Variants in ANK1 observed in about 807,000 individuals in gnomAD.
The protein encoded by ANK1 is ankyrin-1.
In ANK1, 51 loss-of-function variants were observed where a neutral mutation model predicts 210.4. The ratio of observed to expected loss-of-function variants is 0.24; its 90% CI spans 0.19 to 0.31. The LOEUF is 0.31. Among genes scored for constraint, ANK1 ranks in the 10% least tolerant of loss-of-function variants. ANK1 has a pLI of 1.00. For missense variants in ANK1, 2,051 were observed against 2,504.4 expected, an observed-to-expected ratio of 0.82 and a Z score of 3.86; for synonymous variants, 967 against 1,025.9, an observed-to-expected ratio of 0.94 and a Z score of 1.10.
chr8:41,702,058 A>G lies in ANK1; in HGVS notation c.2382T>C (p.Ser794=), dbSNP rs916745820. 3 of 1,613,926 alleles carry G rather than the reference A, an allele frequency of 1.9e-6. No individual in the cohort carries two copies. The highest frequency in any genetic ancestry group is 2.5e-6 in the Non-Finnish European group (3 of 1,179,830). Residue 794 remains serine, a synonymous_variant, in exon 21 of 43, where the codon AGT becomes AGC. Transcript: ENST00000289734. ...GGGGGAGAGGCAGACATACCACGAA[A>G]CTGGTTTCATCCGTGACGACCTTGA... is the stretch of plus-strand genomic sequence containing the variant. ...DVLKVVTDET[S]FVLVSDKHRM...
chr8:41,668,458 T>C lies in ANK1; in HGVS notation c.5203A>G (p.Thr1735Ala). The C allele has an allele frequency of 6.2e-7, 1 of 1,614,234 alleles. No individual in the cohort carries two copies. The highest frequency in any genetic ancestry group is 8.5e-7 in the Non-Finnish European group (1 of 1,180,026). ...TCTAGCCCTTCAGTCATGGTACTTG[T>C]TCCCTGGAATGAGTGTGGACCTTGC... ...VTQGPHSFQG[T>A]STMTEGLEPG... Residue 1735 changes from threonine (T) to alanine (A), a missense_variant, in exon 39 of 43, where the codon ACA becomes GCA. By Grantham distance (58) the Thr-to-Ala change is moderately conservative (BLOSUM62 0). Transcript: ENST00000289734.
chr8:41,800,757 C>T (rs945258975), upstream of ANK1, among the ~76,000 whole-genome samples: 3 of 152,172 alleles, frequency 2.0e-5, no homozygotes, highest in African/African-American at 7.2e-5. Context: ...GACGGCATCT[C>T]GCTCTGTCAC....
rs1820389079 is a variant in ANK1, at chr8:41,694,896, A to G, written c.3116-93T>C. The G allele has an allele frequency of 7.5e-7, 1 of 1,327,050 alleles. No individual in the cohort carries two copies. Among genetic ancestry groups the G allele is most frequent in the Admixed American group, 1.8e-5 (1 of 54,546 alleles). The allele number at this position is 1,327,050 out of a possible 1,614,324, so 82.2% of individuals were successfully genotyped here. A position where few individuals can be genotyped will look rare whatever the true frequency, so the allele number is the denominator to read the frequency against. ...CAGAGTCTCCTTGTCCCCAAGACCC[A>G]GTGCACACACCCTCCCCAGGTGCCG... On this transcript the variant is annotated intron_variant, in intron 27 of 42. Coordinates refer to ENST00000289734, the MANE Select transcript of ANK1 (RefSeq NM_000037.4). This position sits in a 1 kb window ranked among gnomAD's most constrained non-coding sequence, Gnocchi z 5.7.
chr8:41,658,607 T>C (rs1157633954), intron 42 of ANK1, among the ~76,000 whole-genome samples: 1 of 152,138 alleles, frequency 6.6e-6, no homozygotes, highest in African/African-American at 2.4e-5. Context: ...TAGTCGCTGT[T>C]TGAGGCTGTG....
chr8:41,879,683 G>T (rs1288753088), intron 1 of ANK1, among the ~76,000 whole-genome samples: 1 of 152,138 alleles, frequency 6.6e-6, no homozygotes, highest in Non-Finnish European at 1.5e-5. Flanking sequence ...GTTCATTGGA[G>T]CTTCCCCCGG....
At chr8:41,754,300 CAT>C (rs1446882654) in intron 2 of ANK1, among the ~76,000 whole-genome samples, 5 of 152,212 alleles carry the variant, frequency 3.3e-5, no homozygotes, top group South Asian at 2.1e-4. Flanking sequence ...TGTATGCACA[CAT>C]GTGTGTGTTC....
intron 1 of ANK1, among the ~76,000 whole-genome samples, chr8:41,773,170 T>C (rs1843289013): frequency 6.6e-6 from 1 of 151,958 alleles, no homozygotes; most frequent in Admixed American, 6.6e-5. Flanking sequence ...GAGTGCCCAG[T>C]GGTCAATTAA....
intron 13 of ANK1, among the ~76,000 whole-genome samples, chr8:41,716,355 C>A (rs537681319): frequency 3.3e-5 from 5 of 151,948 alleles, no homozygotes; most frequent in Non-Finnish European, 7.4e-5. Flanking sequence ...CCACCCACAC[C>A]CCCCCACTTC....
intron 2 of ANK1, among the ~76,000 whole-genome samples, chr8:41,735,917 C>T (rs183999660): frequency 2.0e-4 from 29 of 143,726 alleles, no homozygotes; most frequent in African/African-American, 8.0e-4. Flanking sequence ...AGCCCTGCAC[C>T]CTTGCCTATC....
intron 39 of ANK1, among the ~76,000 whole-genome samples, chr8:41,667,233 T>C (rs760625739): frequency 6.7e-4 from 102 of 152,264 alleles, no homozygotes; most frequent in Middle Eastern, 3.4e-3. Flanking sequence ...AGCAGTTCTA[T>C]GGCTGGCAGC....
At chr8:41,822,083 AGAGAGAGAGAGAGAGAG>A (rs1804397410) in intron 1 of ANK1, among the ~76,000 whole-genome samples, 3 of 38,124 alleles carry the variant, frequency 7.9e-5, no homozygotes, top group African/African-American at 7.4e-4. Context: ...AGAGAGAGAG[AGAGAGAGAGAGAGAGAG>A]AGAGAGAGAG....
intron 3 of ANK1, among the ~76,000 whole-genome samples, chr8:41,729,867 C>CA (rs1445662954): frequency 2.0e-5 from 3 of 152,122 alleles, no homozygotes; most frequent in African/African-American, 7.2e-5. Flanking sequence ...CCTGAGCCCC[C>CA]ATTCAGGGAG....
chr8:41,676,328 C>T (rs1814152731), intron 37 of ANK1, among the ~76,000 whole-genome samples: 1 of 152,152 alleles, frequency 6.6e-6, no homozygotes, highest in Non-Finnish European at 1.5e-5. Context: ...TTGTATTTCC[C>T]AAATCACTAA....
At chr8:41,708,654 C>T in intron 17 of ANK1, 124 bp downstream of exon 17, 1 of 1,056,716 alleles carries the variant, frequency 9.5e-7, no homozygotes, top group Non-Finnish European at 1.5e-6. Flanking sequence ...GTACGCAGGG[C>T]TGTTCCAAGG....
At chr8:41,824,968 C>A (rs1228228589) in intron 1 of ANK1, among the ~76,000 whole-genome samples, 1 of 152,190 alleles carries the variant, frequency 6.6e-6, no homozygotes, top group Non-Finnish European at 1.5e-5. Context: ...TCTTGCCTTC[C>A]ACTGGTCTCA....
At chr8:41,804,033 G>A (rs1262755949) in intron 1 of ANK1, among the ~76,000 whole-genome samples, 2 of 152,178 alleles carry the variant, frequency 1.3e-5, no homozygotes, top group African/African-American at 4.8e-5. Flanking sequence ...ATTAAAATAC[G>A]TAAATTTAGT....
intron 1 of ANK1, among the ~76,000 whole-genome samples, chr8:41,822,165 AGAAAGAAAGAAAGAAAGAAAGAAG>A (rs1804554786): frequency 6.9e-6 from 1 of 145,500 alleles, no homozygotes; most frequent in Non-Finnish European, 1.5e-5. Flanking sequence ...AAAGAAAGAA[AGAAAGAAAGAAAGAAAGAAAGAAG>A]GAAAGAAAGA....
At position 41,729,671 on chromosome 8, in the gene ANK1, C is replaced by T. The variant is rs577188200; in HGVS notation, c.229-1665G>A. Reference sequence around the variant, plus strand: ...CATGGGCCTGAGAACATGAGTTTAACATTCTCCGGTTTTCTTGTCTGGATT... The same window carrying T: ...CATGGGCCTGAGAACATGAGTTTAATATTCTCCGGTTTTCTTGTCTGGATT... On this transcript the variant is annotated intron_variant, in intron 3 of 42. Coordinates refer to ENST00000289734, the MANE Select transcript of ANK1 (RefSeq NM_000037.4). Among the ~76,000 whole-genome samples the T allele has an allele frequency of 7.9e-5, 12 of 152,390 alleles. No individual in the cohort carries two copies. In the South Asian group the frequency reaches 2.3e-3, roughly 29 times the overall value.
At chr8:41,721,840 C>T (rs562183647) in intron 9 of ANK1, among the ~76,000 whole-genome samples, 9 of 152,072 alleles carry the variant, frequency 5.9e-5, no homozygotes, top group Non-Finnish European at 1.3e-4. Context: ...AAAGGTTGTA[C>T]GATAGTTCCC....
Sources: gnomAD v4.1 joint callset for allele counts (sites outside exome capture counted in the v4.1 genomes callset) on GRCh38, gnomAD v4.1.1 for gene constraint, Gnocchi (gnomAD v3.1) non-coding constraint, MANE v1.5 for transcripts, NCBI Gene and HGNC (gene_info 2026-07-23, HGNC 2026-07-21) for gene names.